Variants in WDR25 observed in about 807,000 individuals in gnomAD.
WDR25 encodes the protein WD repeat domain 25.
Under a neutral mutation model 47.7 loss-of-function variants are expected in WDR25, and 35 were observed. That is an observed-to-expected ratio of 0.73 (90% confidence interval 0.56 to 0.97). The LOEUF (loss-of-function observed/expected upper bound fraction) is 0.97, where lower values mean the gene tolerates loss of function less well. Among genes scored for constraint, WDR25 ranks in the 50% least tolerant of loss-of-function variants. The pLI is 0.00. For synonymous variants in WDR25, 248 were observed against 278.9 expected, an observed-to-expected ratio of 0.89 and a Z score of 1.10; for missense variants, 634 against 704.7, an observed-to-expected ratio of 0.90 and a Z score of 1.14.
At chr14:100,435,687 T>A (rs1898479503) in intron 2 of WDR25, among the ~76,000 whole-genome samples, 1 of 152,166 alleles carries the variant, frequency 6.6e-6, no homozygotes, top group African/African-American at 2.4e-5. Context: ...ATTCATTCAT[T>A]CAGTATGGCT....
At chr14:100,434,850 T>C (rs769802777) in intron 2 of WDR25, among the ~76,000 whole-genome samples, 4 of 152,248 alleles carry the variant, frequency 2.6e-5, no homozygotes, top group East Asian at 1.9e-4. Context: ...CTTATTCCGC[T>C]CTTTTTCTTC....
At position 100,525,905 on chromosome 14, in the gene WDR25, C is replaced by T. The variant is rs1411068392; in HGVS notation, c.1137C>T (p.Thr379=). The change falls in exon 5 of 7, where the codon ACC becomes ACT. Residue 379 remains threonine (T), a synonymous_variant. Coordinates refer to ENST00000402312, the MANE Select transcript of WDR25 (RefSeq NM_001161476.3). This position sits in a 1 kb window ranked among gnomAD's most constrained non-coding sequence, Gnocchi z 4.6. The part of the protein sequence containing the change: ...MRSYKATIQQ[T]LDILFLREGS... ...GCTACAAGGCGACCATCCAGCAGACCTTGGACATCCTGTTCCTCCGGGAAG... is the reference window on the plus strand; with the variant it reads ...GCTACAAGGCGACCATCCAGCAGACTTTGGACATCCTGTTCCTCCGGGAAG... The T allele has an allele frequency of 3.1e-6, 5 of 1,613,960 alleles. No individual in the cohort carries two copies. The highest frequency in any genetic ancestry group is 4.2e-6 in the Non-Finnish European group (5 of 1,179,938).
intron 2 of WDR25, among the ~76,000 whole-genome samples, chr14:100,439,458 G>A (rs886426305): frequency 7.9e-5 from 12 of 152,342 alleles, no homozygotes; most frequent in South Asian, 6.2e-4. Context: ...TTCAAGAGCC[G>A]TTAGTGTTTA....
chr14:100,513,668 T>G (rs1327519946), intron 4 of WDR25, among the ~76,000 whole-genome samples: 1 of 151,726 alleles, frequency 6.6e-6, no homozygotes, highest in Admixed American at 6.5e-5. Context: ...AATTGATTCT[T>G]TTATCATTGT....
intron 2 of WDR25, among the ~76,000 whole-genome samples, chr14:100,384,227 C>T (rs887942309): frequency 5.9e-5 from 9 of 152,240 alleles, no homozygotes; most frequent in Non-Finnish European, 8.8e-5. Flanking sequence ...ACTGTGGTGT[C>T]GTGAACATTA....
At chr14:100,377,022 T>A (rs58578451) in intron 1 of WDR25, among the ~76,000 whole-genome samples, 2,131 of 152,314 alleles carry the variant, frequency 0.014, 26 homozygotes, top group African/African-American at 0.034. Flanking sequence ...TTCTCCAGTG[T>A]CCCTGCCTTC....
At chr14:100,464,103 G>A (rs1899521250) in intron 2 of WDR25, among the ~76,000 whole-genome samples, 1 of 152,064 alleles carries the variant, frequency 6.6e-6, no homozygotes, top group Non-Finnish European at 1.5e-5. Context: ...GTGGTTTTCC[G>A]ACTTCATCCC....
chr14:100,473,942 G>A (rs1359254721), intron 3 of WDR25, among the ~76,000 whole-genome samples: 1 of 152,200 alleles, frequency 6.6e-6, no homozygotes, highest in East Asian at 1.9e-4. Context: ...AAAGCTTGTG[G>A]GCACATTTAC....
At chr14:100,391,487 G>A (rs563647773) in intron 2 of WDR25, among the ~76,000 whole-genome samples, 1 of 152,100 alleles carries the variant, frequency 6.6e-6, no homozygotes, top group Non-Finnish European at 1.5e-5. Flanking sequence ...GCATGGGTAC[G>A]CCACAGCTTC....
chr14:100,403,552 G>C (rs952401258), intron 2 of WDR25, among the ~76,000 whole-genome samples: 1 of 152,240 alleles, frequency 6.6e-6, no homozygotes, highest in Non-Finnish European at 1.5e-5. Context: ...CCGCAGGGCT[G>C]TTGTGTATGG....
rs533762630 is a variant in WDR25 at position 100,493,392 on chromosome 14, G to A, written c.1101+9268G>A. 5.9e-5 allele frequency among the ~76,000 whole-genome samples: 9 copies of A among 152,158 alleles called. 1 individual carries two copies. The South Asian group carries it at 1.2e-3, about 21-fold the overall frequency. On this transcript the variant is annotated intron_variant, in intron 4 of 6. Transcript: ENST00000402312. ...TGGTCTTTTGTAACTGGCTTCTTTC[G>A]CTTAACATAATGTTTTCAAGATTCA...
rs2030427614 is a variant in WDR25, at chr14:100,530,282, G to C, written c.*241G>C. ...ATGCCCAATAAATGTGTGTTTTGCT[G>C]TTTGTTAAGTGATTTCAGCAACAAG... On this transcript the variant is annotated 3_prime_UTR_variant, in exon 7 of 7. Coordinates refer to ENST00000402312, the MANE Select transcript of WDR25 (RefSeq NM_001161476.3). 2 of 543,566 alleles carry C rather than the reference G, an allele frequency of 3.7e-6. No homozygotes were observed. The highest frequency in any genetic ancestry group is 6.5e-6 in the Non-Finnish European group (2 of 307,316). 33.7% of individuals were successfully genotyped at this position (543,566 alleles called of 1,614,324 possible).
rs1054510089 is a variant in WDR25, at chr14:100,523,028, C to T, written c.1102-2842C>T. 2.6e-5 allele frequency among the ~76,000 whole-genome samples: 4 copies of T among 152,188 alleles called. No individual in the cohort carries two copies. Among genetic ancestry groups the T allele is most frequent in the South Asian group, 4.1e-4 (2 of 4,836 alleles). On this transcript the variant is annotated intron_variant, in intron 4 of 6. Transcript: ENST00000402312. The surrounding 1 kb of genome is among the most constrained non-coding windows in gnomAD (Gnocchi z 4.7). ...ACCTGTGAGTGAATGTCATCTCACCCGGGGGTCCTGGGAGAGCCAGTGGCA... is the reference window on the plus strand; with the variant it reads ...ACCTGTGAGTGAATGTCATCTCACCTGGGGGTCCTGGGAGAGCCAGTGGCA...
At chr14:100,401,560 G>T (rs1164671544) in intron 2 of WDR25, among the ~76,000 whole-genome samples, 1 of 152,228 alleles carries the variant, frequency 6.6e-6, no homozygotes, top group African/African-American at 2.4e-5. Flanking sequence ...CCTGGGGATT[G>T]ATCACTTCTT....
At chr14:100,448,479 C>T (rs971506411) in intron 2 of WDR25, among the ~76,000 whole-genome samples, 1 of 152,134 alleles carries the variant, frequency 6.6e-6, no homozygotes, top group Admixed American at 6.5e-5. Flanking sequence ...TGCATGCTGG[C>T]CGTGAGTCAT....
intron 3 of WDR25, among the ~76,000 whole-genome samples, chr14:100,473,204 C>A (rs1171492228): frequency 1.3e-5 from 2 of 152,176 alleles, no homozygotes; most frequent in Admixed American, 6.5e-5. Flanking sequence ...CGCTGCCTGG[C>A]CTGTGTGGAG....
At chr14:100,396,760 G>A (rs760354422) in intron 2 of WDR25, among the ~76,000 whole-genome samples, 2 of 152,222 alleles carry the variant, frequency 1.3e-5, no homozygotes, top group African/African-American at 2.4e-5. Flanking sequence ...TTCTTTCTAG[G>A]GTGGGCTGTG....
At chr14:100,455,333 T>G (rs536760353) in intron 2 of WDR25, 14 of 151,962 alleles carry the variant, frequency 9.2e-5, no homozygotes, top group African/African-American at 3.4e-4. Context: ...TGGAGATAGA[T>G]CAACAGAAAG....
intron 3 of WDR25, among the ~76,000 whole-genome samples, chr14:100,473,023 T>A (rs561737927): frequency 6.6e-6 from 1 of 152,360 alleles, no homozygotes; most frequent in South Asian, 2.1e-4. Context: ...ACTGGGCTCA[T>A]AAATGACCAT....
Sources: gnomAD v4.1 joint callset for allele counts (sites outside exome capture counted in the v4.1 genomes callset) on GRCh38, gnomAD v4.1.1 for gene constraint, Gnocchi (gnomAD v3.1) non-coding constraint, MANE v1.5 for transcripts, NCBI Gene and HGNC (gene_info 2026-07-23, HGNC 2026-07-21) for gene names.